The following DLG2 variants were observed in gnomAD, a reference collection of about 807,000 sequenced individuals.
DLG2 encodes disks large homolog 2.
In DLG2, 45 loss-of-function variants were observed where a neutral mutation model predicts 132.5. The ratio of observed to expected loss-of-function variants is 0.34; its 90% confidence interval spans 0.27 to 0.44. The LOEUF (loss-of-function observed/expected upper bound fraction) is 0.44. Ranked by LOEUF, DLG2 falls within the 20% of genes least tolerant of loss-of-function variation. The pLI is 1.00. For missense variants in DLG2, 1,045 were observed against 1,196.9 expected, an observed-to-expected ratio of 0.87 and a Z score of 1.87; for synonymous variants, 424 against 419.6, an observed-to-expected ratio of 1.01 and a Z score of -0.13.
At chr11:84,493,980 A>G (rs761538456) in intron 7 of DLG2, among the ~76,000 whole-genome samples, 6 of 152,166 alleles carry the variant, frequency 3.9e-5, no homozygotes, top group African/African-American at 4.8e-5. Flanking sequence ...AGATCCATGA[A>G]TGGATTCAGT....
At chr11:84,074,697 T>A (rs1411536654) in intron 10 of DLG2, among the ~76,000 whole-genome samples, 1 of 151,458 alleles carries the variant, frequency 6.6e-6, no homozygotes, top group Non-Finnish European at 1.5e-5. Context: ...CCCGGCTAAT[T>A]TTTTGTATTT....
At chr11:83,963,571 TTC>T (rs910179791) in intron 13 of DLG2, among the ~76,000 whole-genome samples, 2 of 151,962 alleles carry the variant, frequency 1.3e-5, no homozygotes, top group African/African-American at 4.8e-5. Flanking sequence ...TCTTGCTCCT[TTC>T]TCTCTCCTCA....
rs77325334 is a variant in DLG2, at chr11:83,599,131, C to G, written c.1940+34080G>C. 1.9e-3 allele frequency among the ~76,000 whole-genome samples: 288 copies of G among 152,344 alleles called. 1 individual carries two copies. Among genetic ancestry groups the G allele is most frequent in the African/African-American group, 6.5e-3 (272 of 41,576 alleles). ...AAGAGTAGTTTTTCCAAAACCACATCTGAGTACTTGACATGCTTGCTTAAT... is the reference window on the plus strand; with the variant it reads ...AAGAGTAGTTTTTCCAAAACCACATGTGAGTACTTGACATGCTTGCTTAAT... On this transcript the variant is annotated intron_variant, in intron 19 of 27. Transcript: ENST00000376104.
chr11:85,443,022 GA>G (rs753182825), intron 3 of DLG2, among the ~76,000 whole-genome samples: 4 of 151,952 alleles, frequency 2.6e-5, no homozygotes, highest in Non-Finnish European at 5.9e-5. Flanking sequence ...ACAACGGGGG[GA>G]AATATAACAA....
intron 7 of DLG2, among the ~76,000 whole-genome samples, chr11:84,472,277 G>T (rs1232151071): frequency 4.6e-5 from 7 of 151,728 alleles, no homozygotes; most frequent in African/African-American, 1.2e-4. Context: ...CTACCTATTG[G>T]CTCATACATA....
intron 3 of DLG2, among the ~76,000 whole-genome samples, chr11:85,509,745 T>G (rs2094014761): frequency 6.6e-6 from 1 of 152,164 alleles, no homozygotes; most frequent in African/African-American, 2.4e-5. Flanking sequence ...ACGAAAATAC[T>G]GGGATAGAGG....
intron 6 of DLG2, among the ~76,000 whole-genome samples, chr11:85,065,826 G>A (rs543737260): frequency 6.6e-6 from 1 of 151,234 alleles, no homozygotes; most frequent in Non-Finnish European, 1.5e-5. Flanking sequence ...GCAGTGCTAA[G>A]AGAAAAGTTT....
At chr11:84,237,309 G>GTA (rs922403479) in intron 8 of DLG2, among the ~76,000 whole-genome samples, 52 of 152,122 alleles carry the variant, frequency 3.4e-4, no homozygotes, top group African/African-American at 1.2e-3. Flanking sequence ...ATCAGCAAAA[G>GTA]TATTAGCAAT....
intron 6 of DLG2, among the ~76,000 whole-genome samples, chr11:84,764,286 C>G (rs909447236): frequency 6.6e-6 from 1 of 152,158 alleles, no homozygotes; most frequent in Non-Finnish European, 1.5e-5. Context: ...TATAGTTACT[C>G]TCTTTCTGTA....
chr11:85,448,125 A>G (rs191652485), intron 3 of DLG2, among the ~76,000 whole-genome samples: 133 of 152,298 alleles, frequency 8.7e-4, no homozygotes, highest in African/African-American at 3.1e-3. Flanking sequence ...TCCAAATTAA[A>G]GCGATTTTTA....
intron 6 of DLG2, among the ~76,000 whole-genome samples, chr11:84,592,607 A>G (rs2099546084): frequency 6.6e-6 from 1 of 152,136 alleles, no homozygotes; most frequent in Non-Finnish European, 1.5e-5. Flanking sequence ...CAAGGAACTT[A>G]AACAAATTTA....
In DLG2 at chr11:83,633,241, C is replaced by T. The variant is rs1175362333; in HGVS notation, c.1910G>A (p.Arg637Gln). ...HSMSSGSGSL[R>Q]TNQKRSLYVR... is the part of the protein sequence containing the mutation. ...GTAGAGGGAGCGTTTCTGATTGGTT[C>T]GCAGGGATCCGGACCCGGAGCTCAT... The change falls in exon 19 of 28, where the codon CGA becomes CAA. Residue 637 changes from arginine to glutamine, a missense_variant. Coordinates refer to ENST00000376104, the MANE Select transcript of DLG2 (RefSeq NM_001142699.3). 9 of 1,613,644 alleles carry T rather than the reference C, an allele frequency of 5.6e-6. No individual in the cohort carries two copies. The highest frequency in any genetic ancestry group is 5.3e-5 in the African/African-American group (4 of 74,980).
At chr11:85,266,904 TAG>T (rs1289703642) in intron 4 of DLG2, among the ~76,000 whole-genome samples, 1 of 152,216 alleles carries the variant, frequency 6.6e-6, no homozygotes, top group Non-Finnish European at 1.5e-5. Flanking sequence ...CCACAAGTTA[TAG>T]AGAGTATAAA....
chr11:83,771,275 T>C (rs111747323), intron 18 of DLG2, among the ~76,000 whole-genome samples: 7 of 152,362 alleles, frequency 4.6e-5, no homozygotes, highest in African/African-American at 1.4e-4. Flanking sequence ...GGGAATTGTC[T>C]CTAAAACCCT....
chr11:83,796,481 A>G (rs73515112), intron 17 of DLG2, among the ~76,000 whole-genome samples: 2,120 of 152,276 alleles, frequency 0.014, 55 homozygotes, highest in African/African-American at 0.048. Context: ...GCATCCCTTC[A>G]TATCATTCTC....
chr11:84,674,227 A>G (rs184498332), intron 6 of DLG2, among the ~76,000 whole-genome samples: 136 of 152,234 alleles, frequency 8.9e-4, no homozygotes, highest in Middle Eastern at 6.8e-3. Context: ...TTCTACTAAG[A>G]AAATATGTGT....
intron 7 of DLG2, among the ~76,000 whole-genome samples, chr11:84,422,653 T>G (rs918417709): frequency 6.6e-6 from 1 of 152,192 alleles, no homozygotes; most frequent in African/African-American, 2.4e-5. Flanking sequence ...TGAAGTTGTT[T>G]TAGTTTAGAC....
intron 3 of DLG2, among the ~76,000 whole-genome samples, chr11:85,526,971 G>A (rs1340927906): frequency 6.6e-6 from 1 of 152,098 alleles, no homozygotes; most frequent in African/African-American, 2.4e-5. Flanking sequence ...AAGGCTCACA[G>A]GAGACAACCA....
chr11:84,457,331 T>C (rs1465907872), intron 7 of DLG2, among the ~76,000 whole-genome samples: 2 of 151,072 alleles, frequency 1.3e-5, no homozygotes, highest in Admixed American at 6.6e-5. Flanking sequence ...TGGTAAGAGA[T>C]TGGATATACT....
Sources: allele counts gnomAD v4.1 joint callset (sites outside exome capture counted in the v4.1 genomes callset), GRCh38; gene constraint gnomAD v4.1.1; transcripts MANE v1.5; gene names NCBI Gene and HGNC (gene_info 2026-07-23, HGNC 2026-07-21).